ST13: variants seen among roughly 807,000 people sequenced by gnomAD.
ST13 encodes the protein ST13 Hsp70 interacting protein.
In ST13, 23 loss-of-function variants were observed where a neutral mutation model predicts 56.7. The ratio of observed to expected loss-of-function variants is 0.41; its 90% CI spans 0.29 to 0.57. ST13 has a LOEUF of 0.57. ST13 is among the 20% of genes least tolerant of loss of function. ST13 has a pLI of 0.36. For missense variants in ST13, 369 were observed against 459.9 expected, an observed-to-expected ratio of 0.80 and a Z score of 1.81; for synonymous variants, 132 against 142.4, an observed-to-expected ratio of 0.93 and a Z score of 0.52.
chr22:40,846,225 C>T (rs372233811), intron 3 of ST13, among the ~76,000 whole-genome samples: 2 of 152,290 alleles, frequency 1.3e-5, no homozygotes, highest in East Asian at 1.9e-4. Flanking sequence ...TGTGAGTCAC[C>T]GTGCCTGACC....
At chr22:40,855,860 T>A (rs1181549763) in intron 1 of ST13, among the ~76,000 whole-genome samples, 3 of 145,820 alleles carry the variant, frequency 2.1e-5, no homozygotes, top group African/African-American at 8.4e-5. Context: ...GTGTTTGGAG[T>A]GATAACACTG....
intron 3 of ST13, among the ~76,000 whole-genome samples, chr22:40,847,939 C>T (rs2057840910): frequency 6.6e-6 from 1 of 151,192 alleles, no homozygotes; most frequent in Non-Finnish European, 1.5e-5. Flanking sequence ...CCCAGTTACT[C>T]GGGAGGCTCA....
At chr22:40,831,585 T>C (rs1465908127) in intron 8 of ST13, among the ~76,000 whole-genome samples, 2 of 152,214 alleles carry the variant, frequency 1.3e-5, no homozygotes, top group African/African-American at 4.8e-5. Context: ...GTTTACACTT[T>C]GCTGACAAAG....
intron 1 of ST13, 127 bp from the exon 2 acceptor site, chr22:40,851,007 T>C: frequency 1.6e-6 from 1 of 635,926 alleles, no homozygotes; most frequent in Middle Eastern, 3.5e-4. Flanking sequence ...AAAAGTAAAC[T>C]CTCAATTAAT....
chr22:40,833,488 C>A (rs1008845735), intron 7 of ST13, among the ~76,000 whole-genome samples: 4 of 151,218 alleles, frequency 2.6e-5, no homozygotes, highest in Non-Finnish European at 4.4e-5. Flanking sequence ...TGGCATGAAC[C>A]CAGGAGGCAG....
At chr22:40,830,447 C>T (rs748874586) in intron 9 of ST13, among the ~76,000 whole-genome samples, 17 of 152,158 alleles carry the variant, frequency 1.1e-4, no homozygotes, top group Non-Finnish European at 2.5e-4. Context: ...GCACTTGCCA[C>T]CTTGCCCTGC....
intron 7 of ST13, among the ~76,000 whole-genome samples, chr22:40,833,741 C>T (rs537549775): frequency 6.6e-6 from 1 of 151,712 alleles, no homozygotes; most frequent in South Asian, 2.1e-4. Flanking sequence ...CATGGTAGCG[C>T]ACACCTGTAA....
At chr22:40,856,260 G>A (rs137871659) in intron 1 of ST13, among the ~76,000 whole-genome samples, 171 bp downstream of exon 1, 5 of 152,146 alleles carry the variant, frequency 3.3e-5, no homozygotes, top group Non-Finnish European at 7.4e-5. Context: ...CGCGGCTCCT[G>A]TACTACCCAA....
Position 40,825,225 on chromosome 22 carries a change from TACAAAG to T in ST13, c.*1307_*1312del, listed in dbSNP as rs1400555508. ...ATAGTTACACTATTTAAGAGCTGAA[TACAAAG>T]ACAATGAGTCTTTCATAGTCTCAAC... On this transcript the variant is annotated 3_prime_UTR_variant, in exon 12 of 12. Coordinates refer to ENST00000216218, the MANE Select transcript of ST13 (RefSeq NM_003932.5). The T allele has an allele frequency of 2.0e-5, 3 of 152,116 alleles. No individual in the cohort carries two copies. The highest frequency in any genetic ancestry group is 2.9e-5 in the Non-Finnish European group (2 of 68,026). The allele number at this position is 152,116 out of a possible 1,614,324, so 9.4% of individuals were successfully genotyped here.
rs189553496 is a variant in ST13, at chr22:40,840,045, G to A, written c.382+581C>T. On this transcript the variant is annotated intron_variant, in intron 5 of 11. Coordinates refer to ENST00000216218, the MANE Select transcript of ST13 (RefSeq NM_003932.5). ...CGCGCTTGTAATCCCAGCTACTCGG[G>A]AGGCTGAGGCAGGAGGACTGCTTGA... Among the ~76,000 whole-genome samples, 12 of 152,194 alleles carry A rather than the reference G, an allele frequency of 7.9e-5. No individual in the cohort carries two copies. The East Asian group carries it at 2.3e-3, about 30-fold the overall frequency.
chr22:40,827,540 C>T (rs1427125258), intron 10 of ST13, among the ~76,000 whole-genome samples: 2 of 152,222 alleles, frequency 1.3e-5, no homozygotes, highest in East Asian at 3.9e-4. Flanking sequence ...TGCAGTGGTG[C>T]CATCTTGGCT....
At chr22:40,851,968 C>A (rs2057863761) in intron 1 of ST13, among the ~76,000 whole-genome samples, 1 of 152,158 alleles carries the variant, frequency 6.6e-6, no homozygotes, top group South Asian at 2.1e-4. Flanking sequence ...CGGTCTCGAT[C>A]TCCTGACCTC....
chr22:40,856,551 T>A lies in ST13; in HGVS notation c.-11A>T. On this transcript the variant is annotated 5_prime_UTR_variant, in exon 1 of 12. Coordinates refer to ENST00000216218, the MANE Select transcript of ST13 (RefSeq NM_003932.5). ...TTTGCGGGGGTCCATGGTAGGGAGG[T>A]GGTGGGCGAAACTGGGGGGGCTACG... 2 of 1,609,784 alleles carry A rather than the reference T, an allele frequency of 1.2e-6. No individual in the cohort carries two copies. Among genetic ancestry groups the A allele is most frequent in the South Asian group, 2.2e-5 (2 of 90,932 alleles).
intron 1 of ST13, among the ~76,000 whole-genome samples, chr22:40,855,987 G>A (rs966095330): frequency 6.6e-6 from 1 of 151,676 alleles, no homozygotes; most frequent in Non-Finnish European, 1.5e-5. Context: ...TACTAGTTTT[G>A]TAACTTTTAA....
chr22:40,847,574 G>C (rs955888221), intron 3 of ST13, among the ~76,000 whole-genome samples: 1 of 141,358 alleles, frequency 7.1e-6, no homozygotes, highest in African/African-American at 2.6e-5. Flanking sequence ...AAAAAAAAAA[G>C]AAAACTTTTT....
chr22:40,840,520 C>T (rs746161269), intron 5 of ST13, 106 bp downstream of exon 5: 12 of 930,652 alleles, frequency 1.3e-5, no homozygotes, highest in Non-Finnish European at 2.0e-5. Context: ...ACTATCTTCT[C>T]CAGTATAGGA....
At chr22:40,837,778 G>A (rs956374315) in intron 5 of ST13, among the ~76,000 whole-genome samples, 3 of 152,128 alleles carry the variant, frequency 2.0e-5, no homozygotes, top group Non-Finnish European at 4.4e-5. Context: ...AGCCTCTCAA[G>A]TAGCTCATAT....
intron 1 of ST13, among the ~76,000 whole-genome samples, chr22:40,852,933 G>C (rs567499997): frequency 1.3e-5 from 2 of 152,298 alleles, no homozygotes; most frequent in African/African-American, 2.4e-5. Flanking sequence ...TCCAGACATA[G>C]TATAACTTAC....
chr22:40,840,754 A>C, intron 4 of ST13, 62 bp from the exon 5 acceptor site: 2 of 1,440,276 alleles, frequency 1.4e-6, no homozygotes, highest in Non-Finnish European at 1.9e-6. Context: ...AGCAATTCAT[A>C]CTTTCTTAGG....
Sources: allele counts gnomAD v4.1 joint callset (sites outside exome capture counted in the v4.1 genomes callset), GRCh38; gene constraint gnomAD v4.1.1; transcripts MANE v1.5; gene names NCBI Gene and HGNC (gene_info 2026-07-23, HGNC 2026-07-21).